SYNCRIP: variants seen among roughly 807,000 people sequenced by gnomAD.
SYNCRIP encodes synaptotagmin binding cytoplasmic RNA interacting protein.
A neutral mutation model predicts 68.9 loss-of-function variants in SYNCRIP; 9 were observed. That is an observed-to-expected ratio of 0.13 (90% CI 0.08 to 0.23). The LOEUF (loss-of-function observed/expected upper bound fraction) is 0.23, where lower values mean the gene tolerates loss of function less well. SYNCRIP is among the 10% of genes least tolerant of loss of function. The pLI is 1.00. For synonymous variants in SYNCRIP, 258 were observed against 254.0 expected (o/e 1.02, Z -0.15); for missense variants, 414 against 770.6 (o/e 0.54, Z 5.48).
chr6:85,627,312 AAC>A (rs1029813665), intron 6 of SYNCRIP, among the ~76,000 whole-genome samples: 22 of 152,172 alleles, frequency 1.4e-4, no homozygotes, highest in Admixed American at 2.6e-4. Flanking sequence ...TATTACAGGT[AAC>A]ACAGAGAGTC....
At chr6:85,611,558 T>C (rs935018146), downstream of SYNCRIP, 3 of 152,530 alleles carry the variant, frequency 2.0e-5, no homozygotes, top group Admixed American at 6.5e-5. Flanking sequence ...CAAGTCCTAA[T>C]GAAACTATAA....
intron 4 of SYNCRIP, among the ~76,000 whole-genome samples, 173 bp downstream of exon 4, chr6:85,640,048 G>A (rs1489042249): frequency 6.6e-6 from 1 of 152,148 alleles, no homozygotes; most frequent in African/African-American, 2.4e-5. Context: ...AAACTTCACA[G>A]CAAATTGCTT....
At chr6:85,615,987 C>T (rs1562075171) in intron 10 of SYNCRIP, among the ~76,000 whole-genome samples, 1 of 152,174 alleles carries the variant, frequency 6.6e-6, no homozygotes, top group East Asian at 1.9e-4. Context: ...CCTGTTTCTA[C>T]AATAATGCTA....
intron 6 of SYNCRIP, among the ~76,000 whole-genome samples, chr6:85,627,450 C>T (rs1006976169): frequency 6.6e-6 from 1 of 152,032 alleles, no homozygotes; most frequent in African/African-American, 2.4e-5. Flanking sequence ...ACGGATTACG[C>T]ATGCTTTTTT....
At chr6:85,607,947 T>C (rs1804962415), downstream of SYNCRIP, 1 of 152,064 alleles carries the variant, frequency 6.6e-6, no homozygotes, top group Non-Finnish European at 1.5e-5. Context: ...CTTGTCCTGA[T>C]GGAAGTGGCC....
downstream of SYNCRIP, chr6:85,610,203 G>C (rs1223173641): frequency 6.6e-6 from 1 of 151,806 alleles, no homozygotes; most frequent in African/African-American, 2.4e-5. Flanking sequence ...AACGTTAATT[G>C]TTCACATCAC....
At chr6:85,618,040 C>A (rs1405642935) in intron 10 of SYNCRIP, among the ~76,000 whole-genome samples, 1 of 152,128 alleles carries the variant, frequency 6.6e-6, no homozygotes, top group East Asian at 1.9e-4. Flanking sequence ...ATACTCATTT[C>A]ATTTTCAAAA....
At chr6:85,621,810 G>T (rs1214698446) in intron 8 of SYNCRIP, among the ~76,000 whole-genome samples, 1 of 150,994 alleles carries the variant, frequency 6.6e-6, no homozygotes, top group East Asian at 1.9e-4. Context: ...GTTTTTAGTA[G>T]TAAGACTTTT....
At position 85,637,054 on chromosome 6, in the gene SYNCRIP, T is replaced by C. The variant is rs751713175; in HGVS notation, c.579A>G (p.Leu193=). 1.2e-6 allele frequency: 2 copies of C among 1,614,168 alleles called. No individual in the cohort carries two copies. Among genetic ancestry groups the C allele is most frequent in the Non-Finnish European group, 1.7e-6 (2 of 1,180,038 alleles). ...TGAGACCAGTGAGTGGATCCATCAT[T>C]AGACGAAGATCCCATATAGGTCCAG... ...EKAGPIWDLR[L]MMDPLTGLNR... Residue 193 remains leucine, a synonymous_variant, in exon 6 of 11, where the codon CTA becomes CTG. Coordinates refer to ENST00000369622, the MANE Select transcript of SYNCRIP (RefSeq NM_006372.5).
chr6:85,612,932 G>GT, downstream of SYNCRIP: 1 of 1,550,394 alleles, frequency 6.4e-7, no homozygotes, highest in African/African-American at 1.4e-5. Context: ...TGCTAGCCAG[G>GT]TAACAAAAGG....
In SYNCRIP at chr6:85,624,760, G is replaced by A. The variant is rs568731961; in HGVS notation, c.667-648C>T. Among the ~76,000 whole-genome samples the A allele has an allele frequency of 2.6e-5, 4 of 152,190 alleles. No individual in the cohort carries two copies. The South Asian group carries it at 8.3e-4, about 32-fold the overall frequency. On this transcript the variant is annotated intron_variant, in intron 6 of 10. Coordinates refer to ENST00000369622, the MANE Select transcript of SYNCRIP (RefSeq NM_006372.5). ...TATCCCAGATTATCAGAAAGCAGAGGCAAAAAGCAACATGTCAAAGTGACA... is the reference window on the plus strand; with the variant it reads ...TATCCCAGATTATCAGAAAGCAGAGACAAAAAGCAACATGTCAAAGTGACA...
chr6:85,636,629 T>C (rs1281743530), intron 6 of SYNCRIP, among the ~76,000 whole-genome samples: 1 of 152,134 alleles, frequency 6.6e-6, no homozygotes, highest in African/African-American at 2.4e-5. Flanking sequence ...ATGGCTCAGG[T>C]ATGGCCAGGA....
chr6:85,615,204 T>G lies in SYNCRIP; in HGVS notation c.1424A>C (p.His475Pro). 1 of 1,610,764 alleles carries G rather than the reference T, an allele frequency of 6.2e-7. No homozygotes were observed. Among genetic ancestry groups the G allele is most frequent in the Non-Finnish European group, 8.5e-7 (1 of 1,178,106 alleles). The change falls in exon 11 of 11, where the codon CAT becomes CCT. Residue 475 changes from histidine to proline, a missense_variant. This residue lies in a region of SYNCRIP where 72 missense variants were observed against 119.8 expected (regional missense o/e 0.60). Coordinates refer to ENST00000369622, the MANE Select transcript of SYNCRIP (RefSeq NM_006372.5). ...ATCTTCATATCCACCACGATAGTTATGGTAATCATAACCATAATAATCATA... is the reference window on the plus strand; with the variant it reads ...ATCTTCATATCCACCACGATAGTTAGGGTAATCATAACCATAATAATCATA... ...DYYDYYGYDY[H>P]NYRGGYEDPY...
intron 10 of SYNCRIP, among the ~76,000 whole-genome samples, chr6:85,617,441 GAAGTT>G (rs1013936995): frequency 9.3e-5 from 14 of 150,712 alleles, no homozygotes; most frequent in Admixed American, 7.2e-4. Context: ...GAAATAAAAA[GAAGTT>G]ATTTTACACT....
chr6:85,619,489 T>G, intron 8 of SYNCRIP, 72 bp from the exon 9 acceptor site: 1 of 1,356,704 alleles, frequency 7.4e-7, no homozygotes, highest in South Asian at 1.4e-5. Flanking sequence ...CACCCCACCC[T>G]ACAAAGTTAA....
intron 8 of SYNCRIP, among the ~76,000 whole-genome samples, chr6:85,620,126 G>A (rs551143450): frequency 7.2e-5 from 11 of 152,220 alleles, no homozygotes; most frequent in African/African-American, 2.4e-4. Context: ...CGCAACTATG[G>A]TTCCAGCTAC....
chr6:85,636,613 A>G (rs895944952), intron 6 of SYNCRIP, among the ~76,000 whole-genome samples: 3 of 152,230 alleles, frequency 2.0e-5, no homozygotes, highest in Non-Finnish European at 4.4e-5. Context: ...TATTTAAGAA[A>G]AAGAGATGGC....
chr6:85,640,692 A>C, intron 2 of SYNCRIP, 128 bp from the exon 3 acceptor site: 1 of 542,574 alleles, frequency 1.8e-6, no homozygotes, highest in South Asian at 3.4e-5. Flanking sequence ...TACCTGAAAA[A>C]AAAAAAACAC....
At chr6:85,625,903 C>G (rs1176207755) in intron 6 of SYNCRIP, among the ~76,000 whole-genome samples, 1 of 152,152 alleles carries the variant, frequency 6.6e-6, no homozygotes, top group Non-Finnish European at 1.5e-5. Context: ...ATTTGACATT[C>G]TTGATTGTCA....
Sources: allele counts gnomAD v4.1 joint callset (sites outside exome capture counted in the v4.1 genomes callset), GRCh38; gene constraint gnomAD v4.1.1; regional missense constraint gnomAD v4.1.1; transcripts MANE v1.5; gene names NCBI Gene and HGNC (gene_info 2026-07-23, HGNC 2026-07-21).